The following EPHA5 variants were observed in gnomAD, a reference collection of about 807,000 sequenced individuals.
EPHA5 encodes ephrin type-A receptor 5.
In EPHA5, 60 loss-of-function variants were observed where a neutral mutation model predicts 105.0. The ratio of observed to expected loss-of-function variants is 0.57; its 90% CI spans 0.46 to 0.71. The LOEUF (loss-of-function observed/expected upper bound fraction) is 0.71, where lower values mean the gene tolerates loss of function less well. Ranked by LOEUF, EPHA5 falls within the 30% of genes least tolerant of loss-of-function variation. The probability of loss-of-function intolerance (pLI) is 0.00; values close to 1 mark genes in which losing one functional copy is unlikely to be tolerated. For synonymous variants in EPHA5, 513 were observed against 449.1 expected, an observed-to-expected ratio of 1.14 and a Z score of -1.80; for missense variants, 1,218 against 1,274.7, an observed-to-expected ratio of 0.96 and a Z score of 0.68.
intron 2 of EPHA5, among the ~76,000 whole-genome samples, chr4:65,627,416 A>C (rs576835583): frequency 8.5e-5 from 13 of 152,278 alleles, no homozygotes; most frequent in African/African-American, 2.6e-4. Flanking sequence ...TCTAGACTCA[A>C]CTTGAGTATA....
chr4:65,433,169 G>C (rs1725138408), intron 5 of EPHA5, among the ~76,000 whole-genome samples: 1 of 152,226 alleles, frequency 6.6e-6, no homozygotes, highest in African/African-American at 2.4e-5. Context: ...AAACACTGTA[G>C]GGTATTTGTT....
intron 15 of EPHA5, among the ~76,000 whole-genome samples, chr4:65,333,818 C>G (rs1720919944): frequency 6.6e-6 from 1 of 151,478 alleles, no homozygotes; most frequent in South Asian, 2.1e-4. Context: ...CCATATTTCT[C>G]AGAGAAATAC....
chr4:65,422,911 A>G (rs1724072896), intron 5 of EPHA5, among the ~76,000 whole-genome samples: 1 of 152,066 alleles, frequency 6.6e-6, no homozygotes, highest in Non-Finnish European at 1.5e-5. Flanking sequence ...TATCTGTCAC[A>G]ATTAATTAAC....
intron 2 of EPHA5, among the ~76,000 whole-genome samples, chr4:65,618,313 C>T (rs1745421547): frequency 6.6e-6 from 1 of 152,064 alleles, no homozygotes; most frequent in African/African-American, 2.4e-5. Context: ...AATTACCACC[C>T]TTTTAACATG....
intron 5 of EPHA5, among the ~76,000 whole-genome samples, chr4:65,466,646 G>A (rs1477345414): frequency 6.6e-6 from 1 of 152,156 alleles, no homozygotes; most frequent in Non-Finnish European, 1.5e-5. Flanking sequence ...TGGAATGGAT[G>A]ACAAACTACT....
chr4:65,639,066 A>G lies in EPHA5; in HGVS notation c.246+4297T>C, dbSNP rs566786944. Among the ~76,000 whole-genome samples, 13 of 152,346 alleles carry G rather than the reference A, an allele frequency of 8.5e-5. No individual in the cohort carries two copies. The East Asian group carries it at 1.5e-3, about 18-fold the overall frequency. ...TGACATCAAATCATAAAACAATACC[A>G]TAAACAAACTCTTGTAAAATTAACT... On this transcript the variant is annotated intron_variant, in intron 2 of 16. Coordinates refer to ENST00000613740, the MANE Select transcript of EPHA5 (RefSeq NM_001281766.3).
chr4:65,488,393 A>T (rs1731084583), intron 5 of EPHA5, among the ~76,000 whole-genome samples: 2 of 152,314 alleles, frequency 1.3e-5, no homozygotes, highest in South Asian at 4.1e-4. Context: ...TTGGTAGAAG[A>T]TTCATACGTA....
intron 7 of EPHA5, among the ~76,000 whole-genome samples, chr4:65,412,649 A>T (rs1723021380): frequency 6.6e-6 from 1 of 152,146 alleles, no homozygotes; most frequent in Admixed American, 6.6e-5. Flanking sequence ...AAACAGTGGG[A>T]GATATTTCTT....
chr4:65,618,134 A>T (rs944491990), intron 2 of EPHA5, among the ~76,000 whole-genome samples: 2 of 152,166 alleles, frequency 1.3e-5, no homozygotes, highest in Non-Finnish European at 2.9e-5. Context: ...TGGGACACAG[A>T]TTGTCTTCCA....
intron 3 of EPHA5, among the ~76,000 whole-genome samples, chr4:65,522,282 T>C (rs1357207139): frequency 7.3e-6 from 1 of 137,562 alleles, no homozygotes; most frequent in African/African-American, 3.2e-5. Context: ...TCATTGTAAA[T>C]GAACTTTAGA....
chr4:65,636,591 G>T (rs1747140843), intron 2 of EPHA5, among the ~76,000 whole-genome samples: 2 of 151,860 alleles, frequency 1.3e-5, no homozygotes, highest in African/African-American at 4.8e-5. Flanking sequence ...CTAAATGTTG[G>T]TGTATATTTA....
intron 3 of EPHA5, among the ~76,000 whole-genome samples, chr4:65,513,077 T>A (rs570563392): frequency 6.6e-6 from 1 of 152,228 alleles, no homozygotes; most frequent in Non-Finnish European, 1.5e-5. Context: ...ACAATTGAAG[T>A]AATTTGTGGT....
At chr4:65,407,772 T>G (rs1222630535) in intron 7 of EPHA5, among the ~76,000 whole-genome samples, 1 of 151,798 alleles carries the variant, frequency 6.6e-6, no homozygotes, top group East Asian at 1.9e-4. Context: ...CTTTTTTTTG[T>G]GGAGACAGGG....
rs376134381 is a variant in EPHA5 at position 65,355,143 on chromosome 4, G to A, written c.2174-2040C>T. Among the ~76,000 whole-genome samples, 6 of 151,674 alleles carry A rather than the reference G, an allele frequency of 4.0e-5. No individual in the cohort carries two copies. In the South Asian group the frequency reaches 1.0e-3, roughly 26 times the overall value. On this transcript the variant is annotated intron_variant, in intron 11 of 16. Transcript: ENST00000613740. ...GGTGGCCAGAGTTCCAGGAAGAGAG[G>A]TGGCACATGTCTATGCATATTGTCA...
At chr4:65,616,280 C>A (rs191294299) in intron 2 of EPHA5, among the ~76,000 whole-genome samples, 1 of 151,426 alleles carries the variant, frequency 6.6e-6, no homozygotes, top group African/African-American at 2.4e-5. Flanking sequence ...GTTAGATCTG[C>A]GGATGAGGGA....
At chr4:65,511,469 C>A (rs1733622719) in intron 3 of EPHA5, among the ~76,000 whole-genome samples, 2 of 152,076 alleles carry the variant, frequency 1.3e-5, no homozygotes, top group Admixed American at 1.3e-4. Flanking sequence ...AAGATTTCAT[C>A]AATGGGACTA....
At chr4:65,624,836 T>C (rs1478421732) in intron 2 of EPHA5, among the ~76,000 whole-genome samples, 1 of 152,204 alleles carries the variant, frequency 6.6e-6, no homozygotes, top group Admixed American at 6.5e-5. Flanking sequence ...ATTTTTCTAC[T>C]GCTCAGATTT....
intron 8 of EPHA5, among the ~76,000 whole-genome samples, chr4:65,388,451 C>T (rs1405198645): frequency 6.7e-6 from 1 of 149,864 alleles, no homozygotes. Context: ...AAAAGTGTTC[C>T]TATTTCTCCA....
chr4:65,615,156 A>G (rs1251241672), intron 2 of EPHA5, among the ~76,000 whole-genome samples: 1 of 151,866 alleles, frequency 6.6e-6, no homozygotes, highest in African/African-American at 2.4e-5. Flanking sequence ...ATAGATCTCT[A>G]GGAAAAATAA....
Sources: gnomAD v4.1 joint callset for allele counts (sites outside exome capture counted in the v4.1 genomes callset) on GRCh38, gnomAD v4.1.1 for gene constraint, MANE v1.5 for transcripts, NCBI Gene and HGNC (gene_info 2026-07-23, HGNC 2026-07-21) for gene names.